The following CCDC171 variants were observed in gnomAD, a reference collection of about 807,000 sequenced individuals.
CCDC171 encodes coiled-coil domain-containing protein 171.
In CCDC171, 177 loss-of-function variants were observed where a neutral mutation model predicts 168.2. The observed-to-expected ratio is 1.05, with a 90% CI of 0.93 to 1.19. CCDC171 has a LOEUF of 1.19. Among genes scored for constraint, CCDC171 ranks in the 50% most tolerant of loss-of-function variants. The pLI is 0.00. For missense variants in CCDC171, 1,991 were observed against 1,539.0 expected (o/e 1.29, Z -4.91); for synonymous variants, 687 against 540.8 (o/e 1.27, Z -3.75).
At chr9:15,630,997 G>A (rs535961681) in intron 7 of CCDC171, among the ~76,000 whole-genome samples, 1 of 152,156 alleles carries the variant, frequency 6.6e-6, no homozygotes, top group South Asian at 2.1e-4. Context: ...CAACATACCA[G>A]AATCTCTGGG....
the CCDC171 span, among the ~76,000 whole-genome samples, chr9:16,074,315 A>T: frequency 6.6e-6 from 1 of 152,300 alleles, no homozygotes; most frequent in African/African-American, 2.4e-5. Flanking sequence ...CTTGAAAACC[A>T]ATTTTACTGG....
At chr9:16,101,789 G>A in the CCDC171 span, among the ~76,000 whole-genome samples, 3 of 152,322 alleles carry the variant, frequency 2.0e-5, no homozygotes, top group East Asian at 5.8e-4. Flanking sequence ...CAGCCAGGAA[G>A]AAAGCAGGGA....
chr9:15,576,341 C>G (rs1374661290), intron 3 of CCDC171, among the ~76,000 whole-genome samples: 2 of 151,772 alleles, frequency 1.3e-5, no homozygotes, highest in South Asian at 2.1e-4. Flanking sequence ...TGCCATCACA[C>G]CTGGCTAATT....
At chr9:15,597,618 T>C (rs540969215) in intron 6 of CCDC171, among the ~76,000 whole-genome samples, 1 of 152,186 alleles carries the variant, frequency 6.6e-6, no homozygotes, top group Non-Finnish European at 1.5e-5. Context: ...TTTTTTGTTG[T>C]GTCTCTGCCA....
At chr9:15,643,341 G>A (rs576479010) in intron 7 of CCDC171, among the ~76,000 whole-genome samples, 1 of 152,202 alleles carries the variant, frequency 6.6e-6, no homozygotes, top group East Asian at 1.9e-4. Flanking sequence ...TTAGCATTGG[G>A]CCCATCTGGG....
chr9:15,974,112 T>A (rs1831551646), downstream of CCDC171: 1 of 152,078 alleles, frequency 6.6e-6, no homozygotes, highest in Admixed American at 6.6e-5. Context: ...TCGTAAATTA[T>A]GATTAAATCA....
intron 23 of CCDC171, among the ~76,000 whole-genome samples, chr9:15,863,806 T>G (rs184886191): frequency 1.6e-4 from 25 of 152,192 alleles, no homozygotes; most frequent in African/African-American, 6.0e-4. Flanking sequence ...CAGTTTTTTG[T>G]TGAAAAGTAG....
At chr9:15,648,690 G>A (rs1464911939) in intron 7 of CCDC171, among the ~76,000 whole-genome samples, 1 of 152,110 alleles carries the variant, frequency 6.6e-6, no homozygotes, top group African/African-American at 2.4e-5. Flanking sequence ...AAACTTACAA[G>A]GGATGTGAAA....
rs909506673 is a variant in CCDC171, at chr9:15,744,676, G to A, written c.2453G>A (p.Gly818Asp). Reference sequence around the variant, plus strand: ...GCAGCAAACAGACTCAAGATTTTGGGCCAATCATGTGCCTCTCTTTTTACC... The same window carrying A: ...GCAGCAAACAGACTCAAGATTTTGGACCAATCATGTGCCTCTCTTTTTACC... ...VLAANRLKIL[G>D]QSCASLFTWM... Residue 818 changes from glycine to aspartate, a missense_variant, in exon 17 of 26, where the codon GGC (glycine) becomes GAC (aspartate). Coordinates refer to ENST00000380701, the MANE Select transcript of CCDC171 (RefSeq NM_173550.4). 39 of 1,614,006 alleles carry A rather than the reference G, an allele frequency of 2.4e-5. No homozygotes were observed. The highest frequency in any genetic ancestry group is 3.2e-5 in the Non-Finnish European group (38 of 1,180,026).
At chr9:15,670,757 T>G (rs1033772116) in intron 9 of CCDC171, among the ~76,000 whole-genome samples, 3 of 152,216 alleles carry the variant, frequency 2.0e-5, no homozygotes, top group African/African-American at 7.2e-5. Context: ...TCTTTGTTAT[T>G]TATTGTCTGT....
chr9:16,080,991 G>A, the CCDC171 span, among the ~76,000 whole-genome samples: 746 of 152,154 alleles, frequency 4.9e-3, 16 homozygotes, highest in East Asian at 0.02. Flanking sequence ...ATTTGCAGCC[G>A]TCTCTCTTGC....
intron 25 of CCDC171, among the ~76,000 whole-genome samples, chr9:15,941,976 C>G (rs1326310867): frequency 6.6e-6 from 1 of 151,810 alleles, no homozygotes; most frequent in South Asian, 2.1e-4. Context: ...TTAAATATAC[C>G]ATGCTCTCCC....
intron 23 of CCDC171, among the ~76,000 whole-genome samples, chr9:15,872,267 A>G (rs1217649819): frequency 6.6e-6 from 1 of 152,078 alleles, no homozygotes; most frequent in Non-Finnish European, 1.5e-5. Flanking sequence ...AATTTGGCAA[A>G]TTAAGTAATG....
intron 7 of CCDC171, among the ~76,000 whole-genome samples, chr9:15,636,027 C>G (rs1360535027): frequency 6.6e-6 from 1 of 152,030 alleles, no homozygotes; most frequent in East Asian, 1.9e-4. Context: ...ATTTGCATTT[C>G]TCTGATGATT....
At chr9:15,677,672 A>G (rs1013521298) in intron 9 of CCDC171, among the ~76,000 whole-genome samples, 2 of 151,066 alleles carry the variant, frequency 1.3e-5, no homozygotes, top group African/African-American at 2.4e-5. Context: ...TTATATGTTC[A>G]TACAGAATGT....
intron 7 of CCDC171, among the ~76,000 whole-genome samples, chr9:15,642,728 T>A (rs1188367678): frequency 6.6e-6 from 1 of 152,152 alleles, no homozygotes; most frequent in Admixed American, 6.5e-5. Flanking sequence ...CCTTATAATT[T>A]TCTGACATTT....
At chr9:15,887,726 CATA>C (rs1819625514) in intron 24 of CCDC171, 1 of 152,032 alleles carries the variant, frequency 6.6e-6, no homozygotes, top group South Asian at 2.1e-4. Flanking sequence ...AATAAATTCT[CATA>C]ATAATTTCAT....
chr9:16,072,780 C>G, the CCDC171 span, among the ~76,000 whole-genome samples: 99 of 152,302 alleles, frequency 6.5e-4, no homozygotes, highest in Middle Eastern at 6.8e-3. Flanking sequence ...GCAGCTCAGG[C>G]ATAATTTTCT....
In CCDC171 at chr9:15,747,764, A is replaced by T. The variant is rs138820565; in HGVS notation, c.2671+2133A>T. Among the ~76,000 whole-genome samples the T allele has an allele frequency of 2.6e-5, 4 of 152,214 alleles. No individual in the cohort carries two copies. The East Asian group carries it at 7.7e-4, about 29-fold the overall frequency. On this transcript the variant is annotated intron_variant, in intron 18 of 25. Coordinates refer to ENST00000380701, the MANE Select transcript of CCDC171 (RefSeq NM_173550.4). ...TGTAAGTCACCAACATCAAAGACCA[A>T]AGATAGATAAAACCACAAAATGGGG...
Sources: allele counts gnomAD v4.1 joint callset (sites outside exome capture counted in the v4.1 genomes callset), GRCh38; gene constraint gnomAD v4.1.1; transcripts MANE v1.5; gene names NCBI Gene and HGNC (gene_info 2026-07-23, HGNC 2026-07-21).